Variants in KLF8 observed in about 807,000 individuals in gnomAD.
KLF8 encodes the protein Krueppel-like factor 8.
In KLF8, 10 loss-of-function variants were observed where a neutral mutation model predicts 18.2. The observed-to-expected ratio is 0.55, with a 90% CI of 0.34 to 0.93. KLF8 has a LOEUF of 0.93. Ranked by LOEUF, KLF8 falls within the 40% of genes least tolerant of loss-of-function variation. The pLI is 0.02. For missense variants in KLF8, 264 were observed against 277.9 expected (o/e 0.95, Z 0.36); for synonymous variants, 109 against 97.3 (o/e 1.12, Z -0.71).
At chrX:56,108,416 T>C in the KLF8 span, among the ~76,000 whole-genome samples, 1 of 112,063 alleles carries the variant, frequency 8.9e-6, no homozygotes, top group Non-Finnish European at 1.9e-5. Flanking sequence ...TATGAAAGTT[T>C]ATTGGATTTT....
At chrX:56,100,959 T>C in the KLF8 span, among the ~76,000 whole-genome samples, 17 of 111,941 alleles carry the variant, frequency 1.5e-4, no homozygotes, top group African/African-American at 4.9e-4. Context: ...AATCTATTAT[T>C]AGAACATTTT....
At chrX:55,988,351 T>C in the KLF8 span, among the ~76,000 whole-genome samples, 2 of 111,867 alleles carry the variant, frequency 1.8e-5, no homozygotes, top group East Asian at 2.8e-4. Context: ...CATGTAAGTC[T>C]TTAATCCATC....
chrX:55,973,400 TCA>T, the KLF8 span, among the ~76,000 whole-genome samples: 1 of 111,900 alleles, frequency 8.9e-6, no homozygotes, highest in African/African-American at 3.2e-5. Flanking sequence ...AAAGAAATGA[TCA>T]CAGAGTAAAC....
the KLF8 span, among the ~76,000 whole-genome samples, chrX:56,053,649 A>G: frequency 9.5e-6 from 1 of 104,879 alleles, no homozygotes; most frequent in South Asian, 4.4e-4. Context: ...GCCTTTTTTA[A>G]TTGGTAGGCT....
the KLF8 span, among the ~76,000 whole-genome samples, chrX:56,177,317 A>G: frequency 9.0e-6 from 1 of 110,825 alleles, no homozygotes; most frequent in East Asian, 2.9e-4. Flanking sequence ...TTTTATTTCT[A>G]ACAGTCAGGA....
chrX:56,010,501 C>T, the KLF8 span, among the ~76,000 whole-genome samples: 1 of 111,886 alleles, frequency 8.9e-6, no homozygotes, highest in African/African-American at 3.3e-5. Context: ...CCAGCCACTA[C>T]AAAAACACAA....
the KLF8 span, among the ~76,000 whole-genome samples, chrX:56,011,864 G>A: frequency 9.0e-6 from 1 of 111,633 alleles, no homozygotes; most frequent in African/African-American, 3.3e-5. Flanking sequence ...AGAAAAAATT[G>A]ATAAATTCCT....
chrX:56,289,418 A>C lies in KLF8; in HGVS notation c.*4924A>C, dbSNP rs1483666472. On this transcript the variant is annotated 3_prime_UTR_variant, in exon 6 of 6. Coordinates refer to ENST00000468660, the MANE Select transcript of KLF8 (RefSeq NM_007250.5). ...AGAAACCAATATCTGGGCATTAGGT[A>C]TGTTCATTGTTACTGGGCTATTGTT... Among the ~76,000 whole-genome samples, 1 of 111,845 alleles carries C rather than the reference A, an allele frequency of 8.9e-6. No individual in the cohort carries two copies. Among genetic ancestry groups the C allele is most frequent in the Non-Finnish European group, 1.9e-5 (1 of 53,187 alleles).
the KLF8 span, among the ~76,000 whole-genome samples, chrX:56,123,269 G>GAA: frequency 7.5e-5 from 3 of 39,852 alleles, no homozygotes; most frequent in Admixed American, 4.3e-4. Context: ...AAGAAAGAAA[G>GAA]AAAAAGAAAG....
chrX:56,091,032 C>T, the KLF8 span, among the ~76,000 whole-genome samples: 1 of 111,717 alleles, frequency 9.0e-6, no homozygotes, highest in African/African-American at 3.3e-5. Flanking sequence ...TTGATGGACA[C>T]CTATGTTGAT....
chrX:55,920,470 A>C, the KLF8 span, among the ~76,000 whole-genome samples: 1 of 111,958 alleles, frequency 8.9e-6, no homozygotes. Context: ...TCATTAAGCT[A>C]ATCAAGGAGG....
chrX:56,112,160 G>C, the KLF8 span, among the ~76,000 whole-genome samples: 1 of 111,950 alleles, frequency 8.9e-6, no homozygotes, highest in Non-Finnish European at 1.9e-5. Context: ...CCATAAAAAA[G>C]GATGAGTTTA....
At chrX:56,211,027 C>G in the KLF8 span, among the ~76,000 whole-genome samples, 1 of 111,164 alleles carries the variant, frequency 9.0e-6, no homozygotes, top group African/African-American at 3.3e-5. Flanking sequence ...CTCTGTTTCT[C>G]CAGGATTGGC....
intron 1 of KLF8, among the ~76,000 whole-genome samples, chrX:56,233,601 T>C (rs142231969): frequency 0.015 from 1,662 of 111,167 alleles, 36 homozygotes; most frequent in African/African-American, 0.052. Context: ...AATGGATGGA[T>C]TTGTCTAGTC....
chrX:56,253,229 T>C (rs1455072981), intron 2 of KLF8, among the ~76,000 whole-genome samples: 1 of 112,273 alleles, frequency 8.9e-6, no homozygotes, highest in Non-Finnish European at 1.9e-5. Flanking sequence ...ATCCCATTTG[T>C]TCCTGTTTGC....
the KLF8 span, among the ~76,000 whole-genome samples, chrX:56,085,176 T>TTC: frequency 8.9e-6 from 1 of 111,815 alleles, no homozygotes; most frequent in Admixed American, 9.5e-5. Flanking sequence ...TATAGACTTT[T>TTC]TCTCCTGTAG....
chrX:56,234,237 A>C (rs1482258614), intron 1 of KLF8, among the ~76,000 whole-genome samples: 1 of 111,905 alleles, frequency 8.9e-6, no homozygotes, highest in Non-Finnish European at 1.9e-5. Context: ...AATAATCTTT[A>C]AATTTGGATT....
the KLF8 span, among the ~76,000 whole-genome samples, chrX:55,926,420 A>G: frequency 5.4e-5 from 6 of 110,340 alleles, no homozygotes; most frequent in African/African-American, 2.0e-4. Flanking sequence ...AGTACTCTCC[A>G]TGTTTCTAAA....
chrX:56,242,503 A>G (rs779418369), intron 1 of KLF8, among the ~76,000 whole-genome samples: 1 of 112,299 alleles, frequency 8.9e-6, no homozygotes, highest in East Asian at 2.8e-4. Context: ...CCTAACAGCC[A>G]TGAGTGGGGA....
Sources: gnomAD v4.1 joint callset for allele counts (sites outside exome capture counted in the v4.1 genomes callset) on GRCh38, gnomAD v4.1.1 for gene constraint, MANE v1.5 for transcripts, NCBI Gene and HGNC (gene_info 2026-07-23, HGNC 2026-07-21) for gene names.